Variants in ELK3 observed in about 807,000 individuals in gnomAD.
ELK3 encodes ETS domain-containing protein Elk-3.
Under a neutral mutation model 28.9 loss-of-function variants are expected in ELK3, and 10 were observed. That is an observed-to-expected ratio of 0.35 (90% CI 0.21 to 0.59). The LOEUF is 0.59. Among genes scored for constraint, ELK3 ranks in the 20% least tolerant of loss-of-function variants. ELK3 has a pLI of 0.82. For synonymous variants in ELK3, 272 were observed against 243.5 expected, an observed-to-expected ratio of 1.12 and a Z score of -1.09; for missense variants, 463 against 517.3, an observed-to-expected ratio of 0.90 and a Z score of 1.02.
rs1035213406 is a variant in ELK3 at position 96,217,736 on chromosome 12, G to A, written c.-2-5829G>A. Among the ~76,000 whole-genome samples, 5 of 152,040 alleles carry A rather than the reference G, an allele frequency of 3.3e-5. No homozygotes were observed. In the East Asian group the frequency reaches 9.7e-4, roughly 29 times the overall value. On this transcript the variant is annotated intron_variant, in intron 1 of 4. Coordinates refer to ENST00000228741, the MANE Select transcript of ELK3 (RefSeq NM_005230.4). ...AGATCACCTGAGGTCAGGAGATCGAGACCATCTTGGCCAACATGGTGAAAC... is the reference window on the plus strand; with the variant it reads ...AGATCACCTGAGGTCAGGAGATCGAAACCATCTTGGCCAACATGGTGAAAC...
At chr12:96,231,951 C>T (rs762951386) in intron 2 of ELK3, among the ~76,000 whole-genome samples, 36 of 152,114 alleles carry the variant, frequency 2.4e-4, no homozygotes, top group Non-Finnish European at 3.8e-4. Context: ...TAGAGAACCC[C>T]GTGTAAAGTG....
rs576588976 is a variant in ELK3, at chr12:96,200,198, C to G, written c.-3+5493C>G. 3.9e-5 allele frequency among the ~76,000 whole-genome samples: 6 copies of G among 152,096 alleles called. No individual in the cohort carries two copies. The South Asian group carries it at 1.2e-3, about 32-fold the overall frequency. On this transcript the variant is annotated intron_variant, in intron 1 of 4. Transcript: ENST00000228741. ...GTTTATGATTTATTTGTGTTGGGAA[C>G]ATCCATTATCTTCCTTCTAGTTAAT...
At chr12:96,261,599 A>G (rs1951993076) in intron 4 of ELK3, among the ~76,000 whole-genome samples, 1 of 152,194 alleles carries the variant, frequency 6.6e-6, no homozygotes, top group East Asian at 1.9e-4. Context: ...AATCTAACAC[A>G]GAGCTTCTGT....
In ELK3 at chr12:96,269,780, C is replaced by T. The variant is rs1479672899; in HGVS notation, c.*2600C>T. Reference sequence around the variant, plus strand: ...ATCTTCACTTTATGTATCATTTTTACTGTCATATTATTTTTGTTCAATAAA... The same window carrying T: ...ATCTTCACTTTATGTATCATTTTTATTGTCATATTATTTTTGTTCAATAAA... On this transcript the variant is annotated 3_prime_UTR_variant, in exon 5 of 5. Transcript: ENST00000228741. 1 of 152,100 alleles carries T rather than the reference C, an allele frequency of 6.6e-6. No homozygotes were observed. Among genetic ancestry groups the T allele is most frequent in the Non-Finnish European group, 1.5e-5 (1 of 68,016 alleles). The allele number at this position is 152,100 out of a possible 1,614,324, so 9.4% of individuals were successfully genotyped here.
chr12:96,226,440 G>GCACACA (rs148595418), intron 2 of ELK3, among the ~76,000 whole-genome samples: 1 of 151,954 alleles, frequency 6.6e-6, no homozygotes, highest in African/African-American at 2.4e-5. Flanking sequence ...CTGTCCACAT[G>GCACACA]CACACACACA....
intron 4 of ELK3, among the ~76,000 whole-genome samples, chr12:96,261,380 A>G (rs369121596): frequency 6.5e-4 from 99 of 152,350 alleles, no homozygotes; most frequent in African/African-American, 2.4e-3. Context: ...AAGAGAAACT[A>G]GAAATAGCAA....
intron 2 of ELK3, among the ~76,000 whole-genome samples, chr12:96,234,863 G>A (rs1305451876): frequency 6.6e-6 from 1 of 152,178 alleles, no homozygotes; most frequent in Non-Finnish European, 1.5e-5. Flanking sequence ...GCTGGAGGGC[G>A]ACACAGCTCC....
intron 2 of ELK3, among the ~76,000 whole-genome samples, chr12:96,233,841 G>A (rs563428243): frequency 2.6e-5 from 4 of 152,342 alleles, no homozygotes; most frequent in East Asian, 1.9e-4. Context: ...TTTATCGATC[G>A]AGGGGGCCCT....
intron 3 of ELK3, among the ~76,000 whole-genome samples, chr12:96,255,748 G>A (rs534541789): frequency 6.6e-6 from 1 of 152,114 alleles, no homozygotes; most frequent in Non-Finnish European, 1.5e-5. Flanking sequence ...TCATGAAATT[G>A]CCAGGCAACT....
chr12:96,267,078 A>T lies in ELK3; in HGVS notation c.1126-4A>T. The T allele has an allele frequency of 3.1e-6, 5 of 1,609,060 alleles. No homozygotes were observed. Among genetic ancestry groups the T allele is most frequent in the Non-Finnish European group, 4.2e-6 (5 of 1,178,484 alleles). On this transcript the variant is annotated splice_region_variant and splice_polypyrimidine_tract_variant and intron_variant, in intron 4 of 4. Coordinates refer to ENST00000228741, the MANE Select transcript of ELK3 (RefSeq NM_005230.4). ...TTATTGTAAAAATCTTTTGTCCCCT[A>T]CAGTTCCCCACACTGCTTAATGGCC...
At position 96,242,683 on chromosome 12, in the gene ELK3, C is replaced by T. The variant is rs183446330; in HGVS notation, c.208-4257C>T. 8.4e-3 allele frequency among the ~76,000 whole-genome samples: 1,274 copies of T among 152,266 alleles called. 21 individuals are homozygous for T. Among genetic ancestry groups the T allele is most frequent in the African/African-American group, 0.029 (1,189 of 41,548 alleles). On this transcript the variant is annotated intron_variant, in intron 2 of 4. Coordinates refer to ENST00000228741, the MANE Select transcript of ELK3 (RefSeq NM_005230.4). The stretch of plus-strand genomic sequence containing the variant: ...CAGCCGTGGGCACCGCTGTGGGGGG[C>T]TTTCCTTACCAGCTCCCCTCGTCTA...
intron 1 of ELK3, among the ~76,000 whole-genome samples, chr12:96,198,541 A>G (rs1469258980): frequency 2.0e-5 from 3 of 152,176 alleles, no homozygotes; most frequent in Admixed American, 6.5e-5. Context: ...AAAGTTTTTT[A>G]TGTCCTGGTT....
At chr12:96,245,514 G>C (rs1359688561) in intron 2 of ELK3, among the ~76,000 whole-genome samples, 1 of 152,148 alleles carries the variant, frequency 6.6e-6, no homozygotes, top group Non-Finnish European at 1.5e-5. Context: ...TGGTACAGAA[G>C]AGAGGCACTC....
chr12:96,241,542 TGAAATG>T (rs1951821617), intron 2 of ELK3, among the ~76,000 whole-genome samples: 1 of 151,910 alleles, frequency 6.6e-6, no homozygotes, highest in Non-Finnish European at 1.5e-5. Context: ...CAGACAGCAC[TGAAATG>T]GAAATGGAAA....
chr12:96,247,366 G>A lies in ELK3; in HGVS notation c.634G>A (p.Ala212Thr), dbSNP rs377210503. The A allele has an allele frequency of 8.7e-6, 14 of 1,614,018 alleles. No individual in the cohort carries two copies. Among genetic ancestry groups the A allele is most frequent in the African/African-American group, 4.0e-5 (3 of 74,930 alleles). The change falls in exon 3 of 5, where the codon GCC becomes ACC. Residue 212 changes from alanine to threonine, a missense_variant. This residue lies in a region of ELK3 where 408 missense variants were observed against 414.8 expected (regional missense o/e 0.98). Coordinates refer to ENST00000228741, the MANE Select transcript of ELK3 (RefSeq NM_005230.4). This position sits in a 1 kb window ranked among gnomAD's most constrained non-coding sequence, Gnocchi z 5.5. ...CACGTCAGAGGCTGCGGCGGCGTCCGCCTTCCTGGCCTCGTCCGTCTCGGC... is the reference window on the plus strand; with the variant it reads ...CACGTCAGAGGCTGCGGCGGCGTCCACCTTCCTGGCCTCGTCCGTCTCGGC... The part of the protein sequence containing the change: ...PSTSEAAAAS[A>T]FLASSVSAKI...
At chr12:96,253,727 G>A (rs1191239299) in intron 3 of ELK3, among the ~76,000 whole-genome samples, 2 of 152,102 alleles carry the variant, frequency 1.3e-5, no homozygotes, top group Non-Finnish European at 2.9e-5. Context: ...GTGACTTACC[G>A]GTATCTCAGA....
intron 2 of ELK3, among the ~76,000 whole-genome samples, chr12:96,242,308 C>G (rs949578491): frequency 2.0e-5 from 3 of 152,196 alleles, no homozygotes; most frequent in African/African-American, 7.2e-5. Flanking sequence ...CAGGTACAAG[C>G]TTCCAACAGT....
intron 3 of ELK3, among the ~76,000 whole-genome samples, chr12:96,257,871 G>A (rs1306472717): frequency 6.6e-6 from 1 of 152,150 alleles, no homozygotes; most frequent in African/African-American, 2.4e-5. Context: ...GATGAAGTAC[G>A]TTTAGTAAGT....
chr12:96,235,212 C>A (rs1309123837), intron 2 of ELK3, among the ~76,000 whole-genome samples: 5 of 149,586 alleles, frequency 3.3e-5, no homozygotes, highest in African/African-American at 1.2e-4. Flanking sequence ...AGCCGCCCCC[C>A]ACCCCAGCAT....
Sources: allele counts gnomAD v4.1 joint callset (sites outside exome capture counted in the v4.1 genomes callset), GRCh38; gene constraint gnomAD v4.1.1; regional missense constraint gnomAD v4.1.1; non-coding constraint Gnocchi (gnomAD v3.1); transcripts MANE v1.5; gene names NCBI Gene and HGNC (gene_info 2026-07-23, HGNC 2026-07-21).